KPNA4: variants seen among roughly 807,000 people sequenced by gnomAD.
The protein encoded by KPNA4 is karyopherin subunit alpha 4.
In KPNA4, 13 loss-of-function variants were observed where a neutral mutation model predicts 71.3. The observed-to-expected ratio is 0.18, with a 90% confidence interval of 0.12 to 0.29. KPNA4 has a LOEUF of 0.29. Ranked by LOEUF, KPNA4 falls within the 10% of genes least tolerant of loss-of-function variation. The pLI is 1.00. For missense variants in KPNA4, 334 were observed against 603.2 expected (o/e 0.55, Z 4.67); for synonymous variants, 189 against 195.2 (o/e 0.97, Z 0.26).
intron 12 of KPNA4, 128 bp from the exon 13 acceptor site, chr3:160,514,309 A>C: frequency 3.3e-6 from 2 of 602,016 alleles, no homozygotes; most frequent in Non-Finnish European, 2.7e-6. Context: ...TAAAAATCTC[A>C]GGAATCTCAA....
intron 1 of KPNA4, among the ~76,000 whole-genome samples, chr3:160,543,600 T>C (rs765502803): frequency 6.6e-6 from 1 of 152,260 alleles, no homozygotes; most frequent in South Asian, 2.1e-4. Context: ...CCCAAAGTGC[T>C]AGATTTACAA....
At chr3:160,535,768 G>T in intron 3 of KPNA4, 40 bp downstream of exon 3, 3 of 1,557,394 alleles carry the variant, frequency 1.9e-6, no homozygotes, top group Non-Finnish European at 2.6e-6. Context: ...TCTTTCACTC[G>T]TACTTTTAAG....
intron 1 of KPNA4, among the ~76,000 whole-genome samples, chr3:160,546,447 G>A (rs986381696): frequency 2.5e-4 from 38 of 152,210 alleles, no homozygotes; most frequent in East Asian, 5.8e-4. Context: ...GAACCCAGGC[G>A]GCCGAGGTTG....
At chr3:160,506,378 C>T (rs907760139) in intron 15 of KPNA4, among the ~76,000 whole-genome samples, 1 of 152,134 alleles carries the variant, frequency 6.6e-6, no homozygotes, top group African/African-American at 2.4e-5. Flanking sequence ...TCATGCTGAC[C>T]AGGCTGGTCT....
intron 1 of KPNA4, among the ~76,000 whole-genome samples, chr3:160,549,456 T>C (rs1721994353): frequency 1.3e-5 from 2 of 152,208 alleles, no homozygotes; most frequent in African/African-American, 4.8e-5. Flanking sequence ...TTTTTGTATA[T>C]AGTACAAGGG....
chr3:160,535,543 C>T lies in KPNA4; in HGVS notation c.257G>A (p.Gly86Glu). Reference protein sequence around the residue: ...IVQNASSDNQGIQLSAVQAAR... With the variant: ...IVQNASSDNQEIQLSAVQAAR... The stretch of plus-strand genomic sequence containing the variant: ...AGCTTGAACTGCACTTAATTGAATT[C>T]CTTGGTTATCACTTGAAGCATTCTA... The change falls in exon 5 of 17, where the codon GGA becomes GAA. Residue 86 changes from glycine (G) to glutamate (E), a missense_variant. Transcript: ENST00000334256. The T allele has an allele frequency of 6.2e-7, 1 of 1,601,386 alleles. No homozygotes were observed. The highest frequency in any genetic ancestry group is 8.5e-7 in the Non-Finnish European group (1 of 1,173,574).
At position 160,508,324 on chromosome 3, in the gene KPNA4, T is replaced by C. The variant is rs528819690; in HGVS notation, c.1210-55A>G. The stretch of plus-strand genomic sequence containing the variant: ...CAATATAGGTAAACTTTGTGTGCCA[T>C]GTTATCTCACTGGAATAATTCTGAT... On this transcript the variant is annotated intron_variant, in intron 14 of 16. Coordinates refer to ENST00000334256, the MANE Select transcript of KPNA4 (RefSeq NM_002268.5). 223 of 1,282,606 alleles carry C rather than the reference T, an allele frequency of 1.7e-4. 5 individuals carry two copies. The South Asian group carries it at 3.1e-3, about 18-fold the overall frequency. 79.5% of individuals were successfully genotyped at this position (1,282,606 alleles called of 1,614,324 possible).
At position 160,565,448 on chromosome 3, in the gene KPNA4, C is replaced by T. The variant is rs1722331521; in HGVS notation, c.-166G>A. On this transcript the variant is annotated 5_prime_UTR_variant, in exon 1 of 17. Transcript: ENST00000334256. ...TGCCTCCGCCGCGGCCTTCTCCTCT[C>T]CCCGCCCGCCCCCCCGCCCTAACCC... 1 of 597,792 alleles carries T rather than the reference C, an allele frequency of 1.7e-6. No homozygotes were observed. The highest frequency in any genetic ancestry group is 2.0e-5 in the African/African-American group (1 of 50,992). 37.0% of individuals were successfully genotyped at this position (597,792 alleles called of 1,614,324 possible). A position where few individuals can be genotyped will look rare whatever the true frequency, so the allele number is the denominator to read the frequency against.
intron 1 of KPNA4, among the ~76,000 whole-genome samples, chr3:160,551,483 G>A (rs1019826491): frequency 6.6e-6 from 1 of 152,140 alleles, no homozygotes; most frequent in Non-Finnish European, 1.5e-5. Flanking sequence ...AAACGGCAAG[G>A]TAAAGGGGAG....
At chr3:160,515,327 T>C in intron 12 of KPNA4, 125 bp downstream of exon 12, 3 of 945,516 alleles carry the variant, frequency 3.2e-6, no homozygotes, top group Middle Eastern at 2.4e-4. Context: ...TATTTTCTCT[T>C]GATGTCTAAA....
chr3:160,511,319 A>T (rs1259173945), intron 13 of KPNA4, among the ~76,000 whole-genome samples: 1 of 148,668 alleles, frequency 6.7e-6, no homozygotes, highest in African/African-American at 2.5e-5. Context: ...GTTAGCCAGG[A>T]TGGTCTCGAT....
intron 1 of KPNA4, among the ~76,000 whole-genome samples, chr3:160,552,517 A>G (rs1164905363): frequency 1.3e-5 from 2 of 152,244 alleles, no homozygotes; most frequent in East Asian, 1.9e-4. Context: ...ATAGTGGTGT[A>G]CAAAATAGGT....
At chr3:160,518,839 C>T (rs1433640621) in intron 11 of KPNA4, among the ~76,000 whole-genome samples, 1 of 151,994 alleles carries the variant, frequency 6.6e-6, no homozygotes, top group African/African-American at 2.4e-5. Flanking sequence ...CCAGCCTGGG[C>T]AACAGAGCAA....
chr3:160,507,970 T>C (rs1269955903), intron 15 of KPNA4, 137 bp downstream of exon 15: 5 of 648,874 alleles, frequency 7.7e-6, no homozygotes, highest in African/African-American at 5.6e-5. Context: ...ACTGCACATA[T>C]AGAATACAAT....
rs1484667381 is a variant in KPNA4, at chr3:160,536,780, T to C, written c.114+16A>G. ...TAGAATTATGCTTAGAAGTACCCAA[T>C]ATTAATCAGACTCACCTTCCTTAAT... is the stretch of plus-strand genomic sequence containing the variant. On this transcript the variant is annotated intron_variant, in intron 2 of 16. Coordinates refer to ENST00000334256, the MANE Select transcript of KPNA4 (RefSeq NM_002268.5). 2.0e-6 allele frequency: 3 copies of C among 1,520,450 alleles called. No homozygotes were observed. The highest frequency in any genetic ancestry group is 2.7e-6 in the Non-Finnish European group (3 of 1,102,424). The allele number at this position is 1,520,450 out of a possible 1,614,324, so 94.2% of individuals were successfully genotyped here. A position where few individuals can be genotyped will look rare whatever the true frequency, so the allele number is the denominator to read the frequency against.
chr3:160,504,479 T>C (rs1720943352), intron 16 of KPNA4, among the ~76,000 whole-genome samples: 1 of 152,220 alleles, frequency 6.6e-6, no homozygotes, highest in Non-Finnish European at 1.5e-5. Context: ...GAAGATATTT[T>C]TGTATACTAT....
chr3:160,517,149 T>C (rs560829824), intron 11 of KPNA4, among the ~76,000 whole-genome samples: 23 of 152,170 alleles, frequency 1.5e-4, no homozygotes, highest in South Asian at 1.2e-3. Flanking sequence ...CCTAGGTCCC[T>C]GGAAGACACT....
intron 8 of KPNA4, among the ~76,000 whole-genome samples, chr3:160,526,884 T>C (rs977386262): frequency 1.3e-5 from 2 of 152,238 alleles, no homozygotes; most frequent in Non-Finnish European, 2.9e-5. Context: ...AGATGCTGTA[T>C]AATAGCTCTA....
At chr3:160,526,318 T>A (rs1721460838) in intron 8 of KPNA4, among the ~76,000 whole-genome samples, 1 of 152,238 alleles carries the variant, frequency 6.6e-6, no homozygotes, top group African/African-American at 2.4e-5. Flanking sequence ...ATTATTCCCA[T>A]CTTCAGCATT....
Sources: allele counts gnomAD v4.1 joint callset (sites outside exome capture counted in the v4.1 genomes callset), GRCh38; gene constraint gnomAD v4.1.1; transcripts MANE v1.5; gene names NCBI Gene and HGNC (gene_info 2026-07-23, HGNC 2026-07-21).